STRN4: variants seen among roughly 807,000 people sequenced by gnomAD.
STRN4 encodes striatin-4.
STRN4 carries 27 observed loss-of-function variants against 77.9 expected under a neutral mutation model. The ratio of observed to expected loss-of-function variants is 0.35; its 90% CI spans 0.26 to 0.48. The LOEUF (loss-of-function observed/expected upper bound fraction) is 0.48, where lower values mean the gene tolerates loss of function less well. Ranked by LOEUF, STRN4 falls within the 20% of genes least tolerant of loss-of-function variation. The pLI is 0.99. For synonymous variants in STRN4, 466 were observed against 443.1 expected (o/e 1.05, Z -0.65); for missense variants, 798 against 1,049.7 (o/e 0.76, Z 3.31).
rs2054423523 is a variant in STRN4 at position 46,738,927 on chromosome 19, C to T, written c.283-39G>A. 1.3e-6 allele frequency: 2 copies of T among 1,574,866 alleles called. No individual in the cohort carries two copies. Among genetic ancestry groups the T allele is most frequent in the Non-Finnish European group, 1.7e-6 (2 of 1,147,812 alleles). On this transcript the variant is annotated intron_variant, in intron 1 of 17. Transcript: ENST00000263280. This position sits in a 1 kb window ranked among gnomAD's most constrained non-coding sequence, Gnocchi z 4.5. The stretch of plus-strand genomic sequence containing the variant: ...CAGGAGGCAAAGGGAGATAATGGGG[C>T]TCAGGCTCAATGCCGGTGTGTCTAT...
chr19:46,728,517 T>G, intron 7 of STRN4, 101 bp downstream of exon 7: 2 of 1,431,314 alleles, frequency 1.4e-6, no homozygotes, highest in African/African-American at 1.4e-5. Context: ...ATCCGTCCGG[T>G]AGAGAGACCC....
Position 46,726,650 on chromosome 19 carries a change from G to C in STRN4, c.1248+802C>G, listed in dbSNP as rs554336848. Among the ~76,000 whole-genome samples the C allele has an allele frequency of 2.0e-5, 3 of 152,118 alleles. No individual in the cohort carries two copies. The South Asian group carries it at 6.2e-4, about 31-fold the overall frequency. ...ACCACGCTGCATGCGCCCTGGTGCC[G>C]CTCACCCAGCAGGGGACCCGGAGAG... On this transcript the variant is annotated intron_variant, in intron 9 of 17. Transcript: ENST00000263280.
chr19:46,742,954 T>C (rs975660396), intron 1 of STRN4, among the ~76,000 whole-genome samples: 1 of 152,226 alleles, frequency 6.6e-6, no homozygotes, highest in Admixed American at 6.5e-5. Flanking sequence ...ACTGCAGCCA[T>C]GTCTGATGGG....
At chr19:46,746,089 G>T in intron 1 of STRN4, 60 bp downstream of exon 1, 1 of 1,303,676 alleles carries the variant, frequency 7.7e-7, no homozygotes, top group Non-Finnish European at 9.9e-7. Flanking sequence ...CGGCGGCAGC[G>T]GGTGAGGCCG....
At chr19:46,746,076 C>T in intron 1 of STRN4, 73 bp downstream of exon 1, 2 of 1,236,630 alleles carry the variant, frequency 1.6e-6, no homozygotes, top group Non-Finnish European at 2.0e-6. Flanking sequence ...AAGATGGCGG[C>T]GGCGGCGGCA....
Position 46,738,935 on chromosome 19 carries a change from C to A in STRN4, c.283-47G>T. ...AAAGGGAGATAATGGGGCTCAGGCTCAATGCCGGTGTGTCTATCACTCACC... is the reference window on the plus strand; with the variant it reads ...AAAGGGAGATAATGGGGCTCAGGCTAAATGCCGGTGTGTCTATCACTCACC... On this transcript the variant is annotated intron_variant, in intron 1 of 17. Coordinates refer to ENST00000263280, the MANE Select transcript of STRN4 (RefSeq NM_013403.3). The surrounding 1 kb of genome is among the most constrained non-coding windows in gnomAD (Gnocchi z 4.5). 6.5e-7 allele frequency: 1 copy of A among 1,534,028 alleles called. No homozygotes were observed.
At chr19:46,737,957 A>G (rs1351112266) in intron 3 of STRN4, among the ~76,000 whole-genome samples, 1 of 152,014 alleles carries the variant, frequency 6.6e-6, no homozygotes, top group African/African-American at 2.4e-5. Flanking sequence ...GGGGGACCCA[A>G]GCGGGACTGG....
At chr19:46,745,965 A>C in intron 1 of STRN4, 184 bp downstream of exon 1, 1 of 583,288 alleles carries the variant, frequency 1.7e-6, no homozygotes, top group Non-Finnish European at 2.5e-6. Flanking sequence ...CCCACCCCGG[A>C]GTGCCCTCAG....
At chr19:46,730,255 G>A (rs1215401157) in intron 6 of STRN4, among the ~76,000 whole-genome samples, 1 of 152,184 alleles carries the variant, frequency 6.6e-6, no homozygotes, top group Non-Finnish European at 1.5e-5. Context: ...GGATACTGGA[G>A]ATGCAGTGGA....
intron 16 of STRN4, chr19:46,721,440 CCCAGCCACAGCCT>C (rs1157567963): frequency 3.8e-5 from 6 of 157,228 alleles, no homozygotes; most frequent in Non-Finnish European, 8.4e-5. Context: ...GGAGGCAGAG[CCCAGCCACAGCCT>C]CCAACACCAC....
intron 1 of STRN4, among the ~76,000 whole-genome samples, chr19:46,743,926 T>A (rs1270715206): frequency 6.6e-6 from 1 of 151,078 alleles, no homozygotes; most frequent in Non-Finnish European, 1.5e-5. Context: ...TAAAAATAAA[T>A]AAATAAATAA....
Position 46,746,275 on chromosome 19 carries a change from G to C in STRN4, c.156C>G (p.Gly52=), listed in dbSNP as rs1187626427. The part of the protein sequence containing the change: ...GPAGKGGGGG[G]SPGPTAGPEP... ...CCGGGCCCGCCGTGGGCCCGGGGCT[G>C]CCTCCGCCGCCGCCTCCCTTACCTG... Residue 52 remains glycine, a synonymous_variant, in exon 1 of 18, where the codon GGC becomes GGG. Coordinates refer to ENST00000263280, the MANE Select transcript of STRN4 (RefSeq NM_013403.3). 2 of 1,456,690 alleles carry C rather than the reference G, an allele frequency of 1.4e-6. No homozygotes were observed. The highest frequency in any genetic ancestry group is 1.8e-6 in the Non-Finnish European group (2 of 1,107,882). The allele number at this position is 1,456,690 out of a possible 1,614,324, so 90.2% of individuals were successfully genotyped here.
Position 46,738,308 on chromosome 19 carries a change from C to A in STRN4, c.387-71G>T. ...CAGGGTCAGTAGTTACCTAAGGAAT[C>A]CAGAATCCCAAACCCCAAATCACAG... On this transcript the variant is annotated intron_variant, in intron 2 of 17. Coordinates refer to ENST00000263280, the MANE Select transcript of STRN4 (RefSeq NM_013403.3). The surrounding 1 kb of genome is among the most constrained non-coding windows in gnomAD (Gnocchi z 4.5). The A allele has an allele frequency of 1.4e-6, 2 of 1,416,266 alleles. No individual in the cohort carries two copies. The highest frequency in any genetic ancestry group is 2.0e-6 in the Non-Finnish European group (2 of 1,003,368). The allele number at this position is 1,416,266 out of a possible 1,614,324, so 87.7% of individuals were successfully genotyped here.
chr19:46,720,968 T>A, intron 16 of STRN4, 197 bp from the exon 17 acceptor site: 1 of 492,202 alleles, frequency 2.0e-6, no homozygotes, highest in Non-Finnish European at 3.3e-6. Context: ...GTCCATCTCA[T>A]CCCCCAGCAT....
chr19:46,746,181 C>A lies in STRN4; in HGVS notation c.250G>T (p.Ala84Ser). The change falls in exon 1 of 18, where the codon GCC becomes TCC. Residue 84 changes from alanine (A) to serine (S), a missense_variant. By Grantham distance (99) the Ala-to-Ser change is moderately conservative. This residue lies in a region of STRN4 where 511 missense variants were observed against 575.9 expected (regional missense o/e 0.89). Transcript: ENST00000263280. ...TCGGCGCGCTCGGCCTCCCAGCGGG[C>A]TTTCTCGGCTTCGAAGCGCGCCCAC... ...HEWARFEAEKARWEAERAELQ... is the reference protein window; with the variant it reads ...HEWARFEAEKSRWEAERAELQ... 6.5e-7 allele frequency: 1 copy of A among 1,538,270 alleles called. No individual in the cohort carries two copies. The highest frequency in any genetic ancestry group is 8.7e-7 in the Non-Finnish European group (1 of 1,150,296).
chr19:46,727,959 A>G lies in STRN4; in HGVS notation c.1088T>C (p.Val363Ala), dbSNP rs751742232. The change falls in exon 8 of 18, where the codon GTG (valine) becomes GCG (alanine). Residue 363 changes from valine to alanine, a missense_variant. By Grantham distance (64) the Val-to-Ala change is moderately conservative. Transcript: ENST00000263280. The part of the protein sequence containing the change: ...LQGILADLRD[V>A]DGLPPKVTGP... ...AGTCACTTTTGGGGGCAGCCCATCC[A>G]CATCCCGCAGGTCAGCCAGAATGCC... is the stretch of plus-strand genomic sequence containing the variant. 1 of 1,613,896 alleles carries G rather than the reference A, an allele frequency of 6.2e-7. No individual in the cohort carries two copies. The highest frequency in any genetic ancestry group is 8.5e-7 in the Non-Finnish European group (1 of 1,179,894).
At position 46,741,976 on chromosome 19, in the gene STRN4, T is replaced by C. The variant is rs2054482758; in HGVS notation, c.283-3088A>G. Among the ~76,000 whole-genome samples, 1 of 152,220 alleles carries C rather than the reference T, an allele frequency of 6.6e-6. No individual in the cohort carries two copies. Among genetic ancestry groups the C allele is most frequent in the African/African-American group, 2.4e-5 (1 of 41,458 alleles). On this transcript the variant is annotated intron_variant, in intron 1 of 17. Coordinates refer to ENST00000263280, the MANE Select transcript of STRN4 (RefSeq NM_013403.3). This position sits in a 1 kb window ranked among gnomAD's most constrained non-coding sequence, Gnocchi z 4.9. ...TGGCACCGCACTCACTGCAGGTCCCTGTCGCTGCTCCTATACAAATCTCCA... is the reference window on the plus strand; with the variant it reads ...TGGCACCGCACTCACTGCAGGTCCCCGTCGCTGCTCCTATACAAATCTCCA...
At chr19:46,728,137 G>T (rs764110301) in intron 7 of STRN4, 130 bp from the exon 8 acceptor site, 2 of 873,058 alleles carry the variant, frequency 2.3e-6, no homozygotes, top group African/African-American at 1.6e-5. Context: ...CTGGGGGAGG[G>T]GGGGAATGGG....
intron 12 of STRN4, among the ~76,000 whole-genome samples, chr19:46,724,119 G>GT (rs1369923618): frequency 6.6e-6 from 1 of 151,956 alleles, no homozygotes; most frequent in Non-Finnish European, 1.5e-5. Flanking sequence ...ATGGTGGTGC[G>GT]TGCCTGTAAT....
Sources: gnomAD v4.1 joint callset for allele counts (sites outside exome capture counted in the v4.1 genomes callset) on GRCh38, gnomAD v4.1.1 for gene constraint, gnomAD v4.1.1 regional missense constraint, Gnocchi (gnomAD v3.1) non-coding constraint, MANE v1.5 for transcripts, NCBI Gene and HGNC (gene_info 2026-07-23, HGNC 2026-07-21) for gene names.